Variants in NEXMIF observed in about 807,000 individuals in gnomAD.
NEXMIF encodes the protein neurite extension and migration factor.
NEXMIF carries 8 observed loss-of-function variants against 62.1 expected under a neutral mutation model. That is an observed-to-expected ratio of 0.13 (90% CI 0.08 to 0.23). The LOEUF (loss-of-function observed/expected upper bound fraction) is 0.23. NEXMIF is among the 10% of genes least tolerant of loss of function. The probability of loss-of-function intolerance (pLI) is 1.00; values close to 1 mark genes in which losing one functional copy is unlikely to be tolerated. For synonymous variants in NEXMIF, 404 were observed against 416.6 expected, an observed-to-expected ratio of 0.97 and a Z score of 0.37; for missense variants, 976 against 1,113.3, an observed-to-expected ratio of 0.88 and a Z score of 1.75.
At chrX:74,808,036 A>AT (rs1391116205) in intron 1 of NEXMIF, among the ~76,000 whole-genome samples, 3 of 111,459 alleles carry the variant, frequency 2.7e-5, no homozygotes, top group Non-Finnish European at 5.7e-5. Context: ...TAATCTTATG[A>AT]TTTTTTTCTG....
intron 1 of NEXMIF, among the ~76,000 whole-genome samples, chrX:74,835,376 T>C (rs1295702389): frequency 9.0e-6 from 1 of 111,454 alleles, no homozygotes; most frequent in Non-Finnish European, 1.9e-5. Context: ...TGTTCACCGG[T>C]GTCTGAACAT....
At chrX:74,861,506 G>T (rs1251901436) in intron 1 of NEXMIF, among the ~76,000 whole-genome samples, 1 of 111,335 alleles carries the variant, frequency 9.0e-6, no homozygotes, top group African/African-American at 3.3e-5. Flanking sequence ...AACCCAATAA[G>T]ATACTCCATG....
intron 1 of NEXMIF, among the ~76,000 whole-genome samples, chrX:74,785,265 A>G (rs1217612792): frequency 9.0e-6 from 1 of 111,192 alleles, no homozygotes; most frequent in Non-Finnish European, 1.9e-5. Context: ...TACCACCTCC[A>G]TTTTACATAT....
chrX:74,784,123 A>G (rs2080254121), intron 1 of NEXMIF, among the ~76,000 whole-genome samples: 2 of 111,718 alleles, frequency 1.8e-5, no homozygotes, highest in Admixed American at 1.9e-4. Context: ...CTTCAATTCA[A>G]TTCAGACTAA....
Position 74,741,775 on chromosome X carries a change from G to A in NEXMIF, c.2782C>T (p.Leu928Phe), listed in dbSNP as rs2080105276. The A allele has an allele frequency of 8.3e-7, 1 of 1,210,238 alleles. No homozygotes were observed. Among genetic ancestry groups the A allele is most frequent in the Admixed American group, 2.2e-5 (1 of 45,813 alleles). Residue 928 changes from leucine to phenylalanine, a missense_variant, in exon 3 of 4, where the codon CTC (leucine) becomes TTC (phenylalanine). Leu to Phe is a conservative substitution (Grantham distance 22). Transcript: ENST00000055682. ...ASQVVSMENNLTPTTYNPICL... is the reference protein window; with the variant it reads ...ASQVVSMENNFTPTTYNPICL... ...ATTGGATTGTATGTTGTAGGTGTGA[G>A]GTTATTTTCCATGGAGACTACTTGG...
intron 1 of NEXMIF, among the ~76,000 whole-genome samples, chrX:74,872,794 T>C (rs763853041): frequency 1.8e-5 from 2 of 109,948 alleles, no homozygotes; most frequent in South Asian, 3.9e-4. Flanking sequence ...CCCATAAACA[T>C]ATACATACCT....
chrX:74,890,296 A>G (rs1006656034), intron 1 of NEXMIF, among the ~76,000 whole-genome samples: 2 of 111,032 alleles, frequency 1.8e-5, no homozygotes, highest in Non-Finnish European at 3.8e-5. Flanking sequence ...AAAACTGAAT[A>G]CCTATATACC....
intron 1 of NEXMIF, among the ~76,000 whole-genome samples, chrX:74,893,834 C>T (rs1444803687): frequency 4.5e-5 from 5 of 112,164 alleles, no homozygotes; most frequent in Non-Finnish European, 9.4e-5. Context: ...CATGACCTGG[C>T]TTTCCCATTA....
At position 74,848,065 on chromosome X, in the gene NEXMIF, T is replaced by C. The variant is rs2080499039; in HGVS notation, c.-48+76818A>G. On this transcript the variant is annotated intron_variant, in intron 1 of 3. Coordinates refer to ENST00000055682, the MANE Select transcript of NEXMIF (RefSeq NM_001008537.3). Reference sequence around the variant, plus strand: ...GTCTAGACTGCTTGTTTACCAATTTTCTTCTGTATTCCCATAGACAAAAAA... The same window carrying C: ...GTCTAGACTGCTTGTTTACCAATTTCCTTCTGTATTCCCATAGACAAAAAA... Among the ~76,000 whole-genome samples the C allele has an allele frequency of 2.7e-5, 3 of 111,565 alleles. No individual in the cohort carries two copies. In the South Asian group the frequency reaches 1.1e-3, roughly 42 times the overall value.
At chrX:74,866,033 G>A (rs1439926526) in intron 1 of NEXMIF, among the ~76,000 whole-genome samples, 2 of 111,277 alleles carry the variant, frequency 1.8e-5, no homozygotes, top group Non-Finnish European at 3.8e-5. Flanking sequence ...GTGAGAAGAG[G>A]GCCACTGTAC....
intron 1 of NEXMIF, among the ~76,000 whole-genome samples, chrX:74,815,974 C>A (rs745572205): frequency 1.8e-5 from 2 of 111,569 alleles, no homozygotes; most frequent in African/African-American, 3.2e-5. Flanking sequence ...CTCTAACAAA[C>A]TGGTCCACTT....
At chrX:74,849,338 C>G (rs1249402440) in intron 1 of NEXMIF, among the ~76,000 whole-genome samples, 1 of 112,478 alleles carries the variant, frequency 8.9e-6, no homozygotes, top group Non-Finnish European at 1.9e-5. Flanking sequence ...GAGAGGCTCT[C>G]CAGTGCAGGA....
intron 1 of NEXMIF, among the ~76,000 whole-genome samples, chrX:74,804,273 C>T (rs2080338734): frequency 1.8e-5 from 2 of 112,318 alleles, no homozygotes; most frequent in African/African-American, 6.5e-5. Context: ...TATTTGCAAG[C>T]CTCACCTAAG....
At position 74,739,940 on chromosome X, in the gene NEXMIF, C is replaced by A. The variant is rs1229130851; in HGVS notation, c.4457+160G>T. The A allele has an allele frequency of 6.4e-6, 3 of 471,110 alleles. No individual in the cohort carries two copies. The African/African-American group carries it at 7.4e-5, about 12-fold the overall frequency. 38.8% of individuals were successfully genotyped at this position (471,110 alleles called of 1,213,427 possible). ...GCTTAAAGGTATAGGGATTTTCATG[C>A]ACTTTAAAATTTTCTTTTTACTTTG... On this transcript the variant is annotated intron_variant, in intron 3 of 3. Transcript: ENST00000055682.
intron 1 of NEXMIF, among the ~76,000 whole-genome samples, chrX:74,772,946 A>G (rs1419022451): frequency 1.8e-5 from 2 of 112,140 alleles, no homozygotes; most frequent in African/African-American, 6.5e-5. Context: ...AAGAAATCAG[A>G]TGGTGATGAA....
At chrX:74,908,752 C>T (rs2080777300) in intron 1 of NEXMIF, among the ~76,000 whole-genome samples, 1 of 112,580 alleles carries the variant, frequency 8.9e-6, no homozygotes, top group African/African-American at 3.2e-5. Context: ...GGCTCTGTGT[C>T]CCCACCAAAT....
intron 1 of NEXMIF, among the ~76,000 whole-genome samples, chrX:74,826,275 G>A (rs1449039838): frequency 8.9e-6 from 1 of 111,944 alleles, no homozygotes. Context: ...GTGATATTGA[G>A]CTTTTTTTCA....
At chrX:74,812,190 T>C (rs1413730621) in intron 1 of NEXMIF, among the ~76,000 whole-genome samples, 3 of 112,196 alleles carry the variant, frequency 2.7e-5, no homozygotes, top group Non-Finnish European at 5.6e-5. Flanking sequence ...AACTAACACA[T>C]CTTAGAAGTT....
intron 1 of NEXMIF, among the ~76,000 whole-genome samples, chrX:74,765,829 C>A: frequency 1.1e-5 from 1 of 94,798 alleles, no homozygotes; most frequent in Non-Finnish European, 2.1e-5. Context: ...AGTTTGAGAC[C>A]AACCTGGGCA....
Sources: allele counts gnomAD v4.1 joint callset (sites outside exome capture counted in the v4.1 genomes callset), GRCh38; gene constraint gnomAD v4.1.1; transcripts MANE v1.5; gene names NCBI Gene and HGNC (gene_info 2026-07-23, HGNC 2026-07-21).